Variants in ORC3 observed in about 807,000 individuals in gnomAD.
ORC3 encodes the protein homolog of latheo, Drosophila.
In ORC3, 78 loss-of-function variants were observed where a neutral mutation model predicts 100.7. The ratio of observed to expected loss-of-function variants is 0.77; its 90% CI spans 0.65 to 0.94. ORC3 has a LOEUF of 0.94. Among genes scored for constraint, ORC3 ranks in the 40% least tolerant of loss-of-function variants. The pLI, the probability that ORC3 is intolerant of heterozygous loss-of-function variation, is 0.00. For synonymous variants in ORC3, 295 were observed against 289.3 expected, an observed-to-expected ratio of 1.02 and a Z score of -0.20; for missense variants, 789 against 823.9, an observed-to-expected ratio of 0.96 and a Z score of 0.52.
intron 16 of ORC3, among the ~76,000 whole-genome samples, chr6:87,658,790 A>G (rs879842608): frequency 2.6e-5 from 4 of 152,216 alleles, no homozygotes; most frequent in Non-Finnish European, 5.9e-5. Flanking sequence ...TATCAGCACT[A>G]AATTTATGTT....
chr6:87,629,439 A>ATTCT (rs1426802101), intron 11 of ORC3, among the ~76,000 whole-genome samples: 5 of 152,210 alleles, frequency 3.3e-5, no homozygotes, highest in African/African-American at 1.2e-4. Context: ...GGCAAATGTA[A>ATTCT]TTCTGCCTAG....
intron 4 of ORC3, among the ~76,000 whole-genome samples, chr6:87,604,251 C>G (rs1196553799): frequency 6.6e-6 from 1 of 152,154 alleles, no homozygotes; most frequent in African/African-American, 2.4e-5. Context: ...TGCTAGTTAG[C>G]TCTGAGATAA....
At chr6:87,654,440 C>T (rs1769510242) in intron 14 of ORC3, among the ~76,000 whole-genome samples, 1 of 152,184 alleles carries the variant, frequency 6.6e-6, no homozygotes, top group Admixed American at 6.6e-5. Context: ...AACACAAAAA[C>T]TTTTAAGGGC....
In ORC3 at chr6:87,603,502, A is replaced by G; in HGVS notation, c.296A>G (p.Glu99Gly). Residue 99 changes from glutamate (E) to glycine (G), a missense_variant, in exon 4 of 20, where the codon GAA becomes GGA. Glu to Gly is a moderately conservative substitution (Grantham distance 98). Around this residue, in one of 3 missense-constraint regions of ORC3, gnomAD observed 399 missense variants for 382.0 expected, o/e 1.04. Transcript: ENST00000392844. Reference sequence around the variant, plus strand: ...TTGGGCGGTCAAATAAAACTCAGAGAAATTCCAACTGCTGCTCTTGTTCTT... The same window carrying G: ...TTGGGCGGTCAAATAAAACTCAGAGGAATTCCAACTGCTGCTCTTGTTCTT... ...RDLGGQIKLREIPTAALVLGV... is the reference protein window; with the variant it reads ...RDLGGQIKLRGIPTAALVLGV... 1 of 1,523,812 alleles carries G rather than the reference A, an allele frequency of 6.6e-7. No individual in the cohort carries two copies. Among genetic ancestry groups the G allele is most frequent in the Non-Finnish European group, 9.0e-7 (1 of 1,116,744 alleles). 94.4% of individuals were successfully genotyped at this position (1,523,812 alleles called of 1,614,324 possible).
At chr6:87,648,638 T>C (rs1383890245) in intron 13 of ORC3, among the ~76,000 whole-genome samples, 2 of 152,306 alleles carry the variant, frequency 1.3e-5, no homozygotes, top group Non-Finnish European at 2.9e-5. Context: ...CTTTGTTTTC[T>C]CATCTCTAAC....
rs1381277230 is a variant in ORC3 at position 87,634,856 on chromosome 6, A to G, written c.1197A>G (p.Gln399=). The change falls in exon 12 of 20, where the codon CAA becomes CAG. Residue 399 remains glutamine, a synonymous_variant. Coordinates refer to ENST00000392844, the MANE Select transcript of ORC3 (RefSeq NM_012381.4). ...TNERYLKEET[Q]LLLENLHVYH... is the part of the protein sequence containing the mutation. Reference sequence around the variant, plus strand: ...TCTGTGATTTTTAGGAGGAAACACAATTATTACTAGAAAACCTGCATGTTT... The same window carrying G: ...TCTGTGATTTTTAGGAGGAAACACAGTTATTACTAGAAAACCTGCATGTTT... 1.3e-6 allele frequency: 2 copies of G among 1,523,780 alleles called. No homozygotes were observed. Among genetic ancestry groups the G allele is most frequent in the South Asian group, 1.1e-5 (1 of 89,172 alleles). The allele number at this position is 1,523,780 out of a possible 1,614,324, so 94.4% of individuals were successfully genotyped here.
intron 8 of ORC3, among the ~76,000 whole-genome samples, chr6:87,613,307 T>C (rs1778914970): frequency 6.6e-6 from 1 of 152,162 alleles, no homozygotes; most frequent in South Asian, 2.1e-4. Flanking sequence ...ATGAGACTTA[T>C]TCACTATCAT....
At chr6:87,643,222 C>T (rs1292563115) in intron 13 of ORC3, among the ~76,000 whole-genome samples, 2 of 152,010 alleles carry the variant, frequency 1.3e-5, no homozygotes, top group Admixed American at 6.6e-5. Context: ...CTTTGGGAGG[C>T]GGGCTGATCA....
chr6:87,621,258 G>A (rs967728972), intron 9 of ORC3, 96 bp from the exon 10 acceptor site: 1 of 825,416 alleles, frequency 1.2e-6, no homozygotes, highest in East Asian at 3.0e-5. Context: ...AAATACTTTG[G>A]CTCTTTAAAA....
At chr6:87,611,080 G>A (rs28381487) in intron 7 of ORC3, among the ~76,000 whole-genome samples, 9,716 of 151,582 alleles carry the variant, frequency 0.064, 408 homozygotes, top group African/African-American at 0.12. Context: ...AGGACTATAG[G>A]CACACACCAC....
intron 12 of ORC3, 133 bp downstream of exon 12, chr6:87,635,094 ATT>A (rs2128278051): frequency 1.4e-6 from 1 of 733,472 alleles, no homozygotes; most frequent in East Asian, 2.5e-5. Flanking sequence ...ATCTAAATCC[ATT>A]CCAGCTGTAA....
chr6:87,599,981 G>GTAA (rs747110200), intron 2 of ORC3, among the ~76,000 whole-genome samples: 3 of 152,068 alleles, frequency 2.0e-5, no homozygotes, highest in Non-Finnish European at 4.4e-5. Flanking sequence ...TCAAATAATA[G>GTAA]TAATAGTAAT....
At chr6:87,600,096 A>G (rs1222402380) in intron 2 of ORC3, among the ~76,000 whole-genome samples, 2 of 152,186 alleles carry the variant, frequency 1.3e-5, no homozygotes, top group Non-Finnish European at 2.9e-5. Flanking sequence ...CTTTTGATAA[A>G]ATTAAAAATC....
At chr6:87,663,297 G>A (rs553743370) in intron 17 of ORC3, among the ~76,000 whole-genome samples, 153 bp downstream of exon 17, 1 of 152,308 alleles carries the variant, frequency 6.6e-6, no homozygotes, top group African/African-American at 2.4e-5. Flanking sequence ...TCTTTAGACT[G>A]TAGAAAAAAA....
intron 1 of ORC3, 102 bp from the exon 2 acceptor site, chr6:87,594,251 A>G: frequency 1.4e-6 from 1 of 721,122 alleles, no homozygotes; most frequent in Non-Finnish European, 2.3e-6. Flanking sequence ...CTCCCCTAAC[A>G]TCTTTTTTTA....
intron 11 of ORC3, among the ~76,000 whole-genome samples, chr6:87,626,566 A>C (rs1472147041): frequency 6.6e-6 from 1 of 152,176 alleles, no homozygotes; most frequent in African/African-American, 2.4e-5. Flanking sequence ...CAGGCAGATC[A>C]CTTGAGGCCA....
At chr6:87,598,194 T>C (rs541613796) in intron 2 of ORC3, among the ~76,000 whole-genome samples, 84 of 152,154 alleles carry the variant, frequency 5.5e-4, no homozygotes, top group African/African-American at 1.9e-3. Context: ...TGCTAATTTA[T>C]TTATTTTTTT....
intron 3 of ORC3, among the ~76,000 whole-genome samples, chr6:87,602,908 TATATTA>T (rs1274147898): frequency 1.1e-4 from 6 of 56,406 alleles, no homozygotes; most frequent in Admixed American, 2.5e-4. Flanking sequence ...ATATATATTA[TATATTA>T]TATATATATA....
At chr6:87,646,705 T>C (rs978336867) in intron 13 of ORC3, among the ~76,000 whole-genome samples, 7 of 152,250 alleles carry the variant, frequency 4.6e-5, no homozygotes, top group Non-Finnish European at 2.9e-5. Context: ...TACCTCAGTA[T>C]ATGCTCCTTT....
Sources: gnomAD v4.1 joint callset for allele counts (sites outside exome capture counted in the v4.1 genomes callset) on GRCh38, gnomAD v4.1.1 for gene constraint, gnomAD v4.1.1 regional missense constraint, MANE v1.5 for transcripts, NCBI Gene and HGNC (gene_info 2026-07-23, HGNC 2026-07-21) for gene names.